THSD7B: variants seen among roughly 807,000 people sequenced by gnomAD.
The protein encoded by THSD7B is thrombospondin type 1 domain containing 7B.
A neutral mutation model predicts 213.6 loss-of-function variants in THSD7B; 138 were observed. The ratio of observed to expected loss-of-function variants is 0.65; its 90% CI spans 0.56 to 0.74. The LOEUF is 0.74. Among genes scored for constraint, THSD7B ranks in the 30% least tolerant of loss-of-function variants. THSD7B has a pLI of 0.00. For synonymous variants in THSD7B, 742 were observed against 687.0 expected (o/e 1.08, Z -1.25); for missense variants, 1,931 against 1,991.5 (o/e 0.97, Z 0.58).
intron 1 of THSD7B, among the ~76,000 whole-genome samples, chr2:136,801,938 T>C (rs1000322372): frequency 2.6e-5 from 4 of 152,264 alleles, no homozygotes; most frequent in African/African-American, 7.2e-5. Flanking sequence ...TAAACTGTTA[T>C]TGTGGGGAAA....
In THSD7B at chr2:137,634,081, G is replaced by A. The variant is rs551295362; in HGVS notation, c.3800-8407G>A. Among the ~76,000 whole-genome samples the A allele has an allele frequency of 2.5e-4, 38 of 152,154 alleles. No individual in the cohort carries two copies. In the South Asian group the frequency reaches 7.7e-3, roughly 31 times the overall value. On this transcript the variant is annotated intron_variant, in intron 20 of 27. Coordinates refer to ENST00000409968, the MANE Select transcript of THSD7B (RefSeq NM_001316349.2). ...AAATGCTGAAGAATAAATCCATAGG[G>A]GGAAAACCCTTGAAAGTGGAACTCT... is the stretch of plus-strand genomic sequence containing the variant.
At chr2:137,308,300 G>A (rs374773717) in intron 12 of THSD7B, among the ~76,000 whole-genome samples, 4 of 151,936 alleles carry the variant, frequency 2.6e-5, no homozygotes, top group Non-Finnish European at 5.9e-5. Context: ...TGATTTTACC[G>A]GCTGTGAGCT....
chr2:137,154,138 T>C (rs1017116060), intron 5 of THSD7B, among the ~76,000 whole-genome samples: 1 of 152,140 alleles, frequency 6.6e-6, no homozygotes, highest in African/African-American at 2.4e-5. Context: ...TAGGTACCCC[T>C]AAGGTAGAAA....
At chr2:136,824,354 T>C (rs373271594) in intron 1 of THSD7B, among the ~76,000 whole-genome samples, 1 of 152,044 alleles carries the variant, frequency 6.6e-6, no homozygotes. Context: ...AGCAGATATA[T>C]ATATATAAGC....
chr2:137,286,142 T>A (rs1273798060), intron 12 of THSD7B, among the ~76,000 whole-genome samples: 1 of 151,748 alleles, frequency 6.6e-6, no homozygotes, highest in Non-Finnish European at 1.5e-5. Flanking sequence ...ACGTTATATA[T>A]TACATAAAGT....
At position 137,405,713 on chromosome 2, in the gene THSD7B, A is replaced by G. The variant is rs1261109132; in HGVS notation, c.2601A>G (p.Pro867=). The change falls in exon 13 of 28, where the codon CCA becomes CCG. Residue 867 remains proline (P), a synonymous_variant. Transcript: ENST00000409968. ...MPLLVQECTV[P]CREDCTFTAW... ...TCCTTGTGCAAGAATGCACAGTCCC[A>G]TGTCGAGAAGACTGCACCTTCACTG... 1.9e-6 allele frequency: 3 copies of G among 1,613,700 alleles called. No homozygotes were observed. The highest frequency in any genetic ancestry group is 2.5e-6 in the Non-Finnish European group (3 of 1,179,850).
chr2:136,946,265 C>T (rs555588764), intron 2 of THSD7B, among the ~76,000 whole-genome samples: 2 of 152,056 alleles, frequency 1.3e-5, no homozygotes, highest in African/African-American at 4.8e-5. Context: ...CACTCCAGAC[C>T]CTGTTTGCCT....
chr2:137,222,348 C>G (rs530263070), intron 7 of THSD7B, among the ~76,000 whole-genome samples: 3 of 152,194 alleles, frequency 2.0e-5, no homozygotes, highest in African/African-American at 7.2e-5. Context: ...TACTCATCAA[C>G]TATTCTGTCC....
intron 7 of THSD7B, among the ~76,000 whole-genome samples, chr2:137,174,297 A>G (rs1573867720): frequency 1.3e-5 from 2 of 152,282 alleles, no homozygotes; most frequent in Non-Finnish European, 2.9e-5. Context: ...AGCTTGACCA[A>G]GATTCTGTAG....
intron 2 of THSD7B, among the ~76,000 whole-genome samples, chr2:136,956,119 A>G (rs1685119925): frequency 6.6e-6 from 1 of 152,232 alleles, no homozygotes; most frequent in African/African-American, 2.4e-5. Flanking sequence ...GAAATTTAAT[A>G]AATCTGTCAA....
At chr2:137,220,402 G>A (rs533693033) in intron 7 of THSD7B, among the ~76,000 whole-genome samples, 2 of 152,124 alleles carry the variant, frequency 1.3e-5, no homozygotes, top group East Asian at 1.9e-4. Flanking sequence ...AAAGATATAC[G>A]GATGGCAAAT....
At chr2:137,169,300 T>C (rs1680196353) in intron 6 of THSD7B, among the ~76,000 whole-genome samples, 1 of 151,698 alleles carries the variant, frequency 6.6e-6, no homozygotes, top group African/African-American at 2.4e-5. Context: ...TTTTTTTTTT[T>C]TTAATCTAAG....
At chr2:137,630,859 C>T (rs17693166) in intron 20 of THSD7B, among the ~76,000 whole-genome samples, 17,296 of 152,212 alleles carry the variant, frequency 0.11, 1,206 homozygotes, top group South Asian at 0.22. Flanking sequence ...GGGAGTCAAA[C>T]TTCAGCAGCT....
chr2:137,431,747 C>T (rs188781736), intron 14 of THSD7B, among the ~76,000 whole-genome samples: 432 of 152,204 alleles, frequency 2.8e-3, no homozygotes, highest in African/African-American at 9.3e-3. Context: ...GCTTAGTCCT[C>T]ATTCGAGTGG....
chr2:137,318,883 C>T (rs1222119258), intron 12 of THSD7B, among the ~76,000 whole-genome samples: 2 of 148,756 alleles, frequency 1.3e-5, no homozygotes, highest in African/African-American at 5.0e-5. Flanking sequence ...CAACCTCTGC[C>T]TCCCAGGTTC....
chr2:136,858,921 AG>A (rs1158885231), intron 1 of THSD7B, among the ~76,000 whole-genome samples: 2 of 152,214 alleles, frequency 1.3e-5, no homozygotes, highest in African/African-American at 4.8e-5. Flanking sequence ...TGGGAGTGAC[AG>A]CAGGGAAGGA....
rs756170928 is a variant in THSD7B at position 137,056,841 on chromosome 2, A to G, written c.561A>G (p.Pro187=). The G allele has an allele frequency of 8.7e-6, 14 of 1,613,824 alleles. No individual in the cohort carries two copies. In the Middle Eastern group the frequency reaches 1.3e-3, roughly 152 times the overall value. The stretch of plus-strand genomic sequence containing the variant: ...ATTGTGTAGTATCTGAGTTCTTACC[A>G]TGGTCCAACTGTAGCAAGGGATGTG... ...PRDCVVSEFL[P]WSNCSKGCGK... Residue 187 remains proline, a synonymous_variant, in exon 3 of 28, where the codon CCA becomes CCG. Coordinates refer to ENST00000409968, the MANE Select transcript of THSD7B (RefSeq NM_001316349.2).
chr2:137,329,645 A>T (rs1171989498), intron 12 of THSD7B, among the ~76,000 whole-genome samples: 1 of 152,188 alleles, frequency 6.6e-6, no homozygotes, highest in Non-Finnish European at 1.5e-5. Context: ...GATTATAGGC[A>T]TGAGCCACTG....
intron 7 of THSD7B, 40 bp downstream of exon 7, chr2:137,170,978 G>C (rs1194630082): frequency 6.2e-7 from 1 of 1,600,724 alleles, no homozygotes; most frequent in Non-Finnish European, 8.5e-7. Flanking sequence ...AGGATGTTAA[G>C]TATCAGCCAA....
Sources: gnomAD v4.1 joint callset for allele counts (sites outside exome capture counted in the v4.1 genomes callset) on GRCh38, gnomAD v4.1.1 for gene constraint, MANE v1.5 for transcripts, NCBI Gene and HGNC (gene_info 2026-07-23, HGNC 2026-07-21) for gene names.